CHRM5: variants seen among roughly 807,000 people sequenced by gnomAD.
CHRM5 encodes the protein muscarinic acetylcholine receptor M5.
A neutral mutation model predicts 39.0 loss-of-function variants in CHRM5; 18 were observed. The ratio of observed to expected loss-of-function variants is 0.46; its 90% CI spans 0.32 to 0.68. The LOEUF (loss-of-function observed/expected upper bound fraction) is 0.68, where lower values mean the gene tolerates loss of function less well. Ranked by LOEUF, CHRM5 falls within the 30% of genes least tolerant of loss-of-function variation. The pLI is 0.04. For synonymous variants in CHRM5, 241 were observed against 246.3 expected, an observed-to-expected ratio of 0.98 and a Z score of 0.20; for missense variants, 515 against 651.1, an observed-to-expected ratio of 0.79 and a Z score of 2.28.
At position 34,013,823 on chromosome 15, in the gene CHRM5, A is replaced by C. The variant is rs540598893; in HGVS notation, c.-407-32717A>C. 2.0e-5 allele frequency among the ~76,000 whole-genome samples: 3 copies of C among 152,252 alleles called. No homozygotes were observed. The East Asian group carries it at 5.8e-4, about 29-fold the overall frequency. Reference sequence around the variant, plus strand: ...GGAGGATGACATCACAGGCTGAGGGAAGAGTATGTACGAGGACCCATGAGC... The same window carrying C: ...GGAGGATGACATCACAGGCTGAGGGCAGAGTATGTACGAGGACCCATGAGC... On this transcript the variant is annotated intron_variant, in intron 1 of 2. Coordinates refer to ENST00000383263, the MANE Select transcript of CHRM5 (RefSeq NM_012125.4).
Position 34,067,337 on chromosome 15 carries a change from T to C in CHRM5, c.*3021T>C, listed in dbSNP as rs1330143955. On this transcript the variant is annotated 3_prime_UTR_variant, in exon 3 of 3. Transcript: ENST00000383263. ...TAATTGTGAAATCTGTACCCAAACC[T>C]CTGGATTAGAATCTCCAGTTGTCTA... 6.6e-6 allele frequency: 1 copy of C among 152,194 alleles called. No individual in the cohort carries two copies. Among genetic ancestry groups the C allele is most frequent in the African/African-American group, 2.4e-5 (1 of 41,446 alleles). The allele number at this position is 152,194 out of a possible 1,614,324, so 9.4% of individuals were successfully genotyped here.
At chr15:33,982,069 A>C (rs1445936014) in intron 1 of CHRM5, among the ~76,000 whole-genome samples, 1 of 151,162 alleles carries the variant, frequency 6.6e-6, no homozygotes, top group Non-Finnish European at 1.5e-5. Context: ...ATTTCACCAC[A>C]CTGGCCAGGC....
Position 34,062,747 on chromosome 15 carries a change from C to T in CHRM5, c.30C>T (p.Thr10=). The change falls in exon 3 of 3, where the codon ACC becomes ACT. Residue 10 remains threonine (T), a synonymous_variant. Coordinates refer to ENST00000383263, the MANE Select transcript of CHRM5 (RefSeq NM_012125.4). MEGDSYHNA[T]TVNGTPVNHQ... ...AAGGGGATTCTTACCACAATGCAAC[C>T]ACCGTCAATGGCACCCCAGTAAATC... The T allele has an allele frequency of 6.2e-7, 1 of 1,612,928 alleles. No homozygotes were observed. Among genetic ancestry groups the T allele is most frequent in the Non-Finnish European group, 8.5e-7 (1 of 1,179,224 alleles).
At chr15:34,049,441 G>A (rs1899848369) in intron 2 of CHRM5, among the ~76,000 whole-genome samples, 1 of 152,102 alleles carries the variant, frequency 6.6e-6, no homozygotes, top group Non-Finnish European at 1.5e-5. Context: ...TAGACCAGTG[G>A]AAAAAAGAAT....
At chr15:34,015,374 C>A (rs1027536331) in intron 1 of CHRM5, among the ~76,000 whole-genome samples, 1 of 151,878 alleles carries the variant, frequency 6.6e-6, no homozygotes. Flanking sequence ...TCCAGCTACT[C>A]GGGAGGCTGA....
chr15:34,015,494 A>AT (rs1048577179), intron 1 of CHRM5, among the ~76,000 whole-genome samples: 6 of 152,136 alleles, frequency 3.9e-5, no homozygotes, highest in African/African-American at 1.4e-4. Context: ...AAAATAAAAA[A>AT]AAATAAAAAA....
chr15:34,032,343 G>GA (rs201633720), intron 1 of CHRM5, among the ~76,000 whole-genome samples: 16 of 151,632 alleles, frequency 1.1e-4, no homozygotes, highest in Admixed American at 6.6e-4. Context: ...ACTTTTTCTG[G>GA]AAAAAAAATA....
chr15:34,028,757 T>C (rs959066695), intron 1 of CHRM5, among the ~76,000 whole-genome samples: 1 of 152,036 alleles, frequency 6.6e-6, no homozygotes, highest in Admixed American at 6.6e-5. Flanking sequence ...TTCAGTAACT[T>C]TCCTGAGATT....
chr15:33,992,610 T>C (rs906158162), intron 1 of CHRM5, among the ~76,000 whole-genome samples: 1 of 152,216 alleles, frequency 6.6e-6, no homozygotes, highest in Non-Finnish European at 1.5e-5. Flanking sequence ...TCTTCTACTA[T>C]ATTGCCTTTG....
intron 1 of CHRM5, among the ~76,000 whole-genome samples, chr15:33,982,380 T>A (rs1475294759): frequency 5.9e-5 from 9 of 151,878 alleles, no homozygotes; most frequent in Non-Finnish European, 8.8e-5. Context: ...CCCCAAGAAT[T>A]ACCAAATGCT....
At chr15:34,060,091 C>T (rs533396440) in intron 2 of CHRM5, among the ~76,000 whole-genome samples, 1 of 152,262 alleles carries the variant, frequency 6.6e-6, no homozygotes, top group South Asian at 2.1e-4. Context: ...ATGGCATTTG[C>T]CTAGAGATTT....
At chr15:34,052,595 G>A (rs1306868899) in intron 2 of CHRM5, among the ~76,000 whole-genome samples, 3 of 152,174 alleles carry the variant, frequency 2.0e-5, no homozygotes, top group Admixed American at 6.5e-5. Context: ...TGTCCAGAAA[G>A]CTCCATCATT....
chr15:34,048,205 C>G (rs1470221859), intron 2 of CHRM5, among the ~76,000 whole-genome samples: 1 of 152,272 alleles, frequency 6.6e-6, no homozygotes, highest in African/African-American at 2.4e-5. Context: ...GACCCGGATC[C>G]ATTCCTCCTC....
At chr15:33,980,494 C>T (rs756723843) in intron 1 of CHRM5, among the ~76,000 whole-genome samples, 9 of 152,174 alleles carry the variant, frequency 5.9e-5, no homozygotes, top group Non-Finnish European at 1.3e-4. Context: ...TTGTTGTGGG[C>T]TGATGGCCAT....
intron 2 of CHRM5, among the ~76,000 whole-genome samples, chr15:34,053,587 C>T (rs975445536): frequency 6.6e-6 from 1 of 151,792 alleles, no homozygotes; most frequent in African/African-American, 2.4e-5. Context: ...GAAAGGATTC[C>T]CTATTTCATA....
At chr15:34,041,311 G>A (rs908352896) in intron 1 of CHRM5, among the ~76,000 whole-genome samples, 10 of 151,872 alleles carry the variant, frequency 6.6e-5, no homozygotes, top group South Asian at 4.2e-4. Flanking sequence ...CAAAAGGTAC[G>A]TTTTAGTATC....
At chr15:34,023,541 T>C (rs1018637325) in intron 1 of CHRM5, among the ~76,000 whole-genome samples, 5 of 152,184 alleles carry the variant, frequency 3.3e-5, no homozygotes, top group Non-Finnish European at 5.9e-5. Flanking sequence ...TTGCAAAACC[T>C]GAGATTCAGT....
In CHRM5 at chr15:34,064,040, C is replaced by T. The variant is rs1437453543; in HGVS notation, c.1323C>T (p.Ala441=). 6.2e-7 allele frequency: 1 copy of T among 1,614,140 alleles called. No individual in the cohort carries two copies. The highest frequency in any genetic ancestry group is 8.5e-7 in the Non-Finnish European group (1 of 1,180,012). ...TCCTAGTCAAAGAGAGGAAAGCAGC[C>T]CAGACACTGAGTGCCATTCTCCTGG... The part of the protein sequence containing the change: ...RVVLVKERKA[A]QTLSAILLAF... Residue 441 remains alanine, a synonymous_variant, in exon 3 of 3, where the codon GCC becomes GCT. Transcript: ENST00000383263.
intron 2 of CHRM5, among the ~76,000 whole-genome samples, chr15:34,047,319 C>T (rs1899741030): frequency 1.3e-5 from 2 of 152,174 alleles, no homozygotes. Context: ...CCTGATGATC[C>T]GCCCGTGTCA....
Sources: gnomAD v4.1 joint callset for allele counts (sites outside exome capture counted in the v4.1 genomes callset) on GRCh38, gnomAD v4.1.1 for gene constraint, MANE v1.5 for transcripts, NCBI Gene and HGNC (gene_info 2026-07-23, HGNC 2026-07-21) for gene names.